Variants in PPP1R13B observed in about 807,000 individuals in gnomAD.
PPP1R13B encodes the protein protein phosphatase 1 regulatory subunit 13B, also known as apoptosis-stimulating of p53 protein 1.
In PPP1R13B, 44 loss-of-function variants were observed where a neutral mutation model predicts 119.8. That is an observed-to-expected ratio of 0.37 (90% confidence interval 0.29 to 0.47). PPP1R13B has a LOEUF of 0.47. PPP1R13B is among the 20% of genes least tolerant of loss of function. The pLI, the probability that PPP1R13B is intolerant of heterozygous loss-of-function variation, is 0.99. For missense variants in PPP1R13B, 1,227 were observed against 1,413.5 expected, an observed-to-expected ratio of 0.87 and a Z score of 2.12; for synonymous variants, 542 against 561.5, an observed-to-expected ratio of 0.97 and a Z score of 0.49.
At chr14:103,787,960 T>C (rs2085511710) in intron 2 of PPP1R13B, among the ~76,000 whole-genome samples, 1 of 151,862 alleles carries the variant, frequency 6.6e-6, no homozygotes, top group African/African-American at 2.4e-5. Flanking sequence ...TCCTTTTTTT[T>C]TAATTAGCCG....
intron 9 of PPP1R13B, 87 bp downstream of exon 9, chr14:103,746,286 G>A: frequency 3.0e-6 from 1 of 338,348 alleles, no homozygotes; most frequent in South Asian, 3.4e-5. Flanking sequence ...AGAGCCTCAG[G>A]AGCCTGCCCC....
chr14:103,736,076 T>C lies in PPP1R13B; in HGVS notation c.3158A>G (p.Asp1053Gly), dbSNP rs979141901. The change falls in exon 16 of 17, where the codon GAC becomes GGC. Residue 1053 changes from aspartate (D) to glycine (G), a missense_variant. Coordinates refer to ENST00000202556, the MANE Select transcript of PPP1R13B (RefSeq NM_015316.3). Reference sequence around the variant, plus strand: ...CCACCACCACTCAGTCTCGCTTTCGTCCTTGCGCCTCAGGATGGTGAGGGC... The same window carrying C: ...CCACCACCACTCAGTCTCGCTTTCGCCCTTGCGCCTCAGGATGGTGAGGGC... ...GDALTILRRK[D>G]ESETEWWWAR... 3.7e-6 allele frequency: 6 copies of C among 1,614,086 alleles called. No individual in the cohort carries two copies. The Admixed American group carries it at 5.0e-5, about 13-fold the overall frequency.
chr14:103,826,742 C>T (rs12436111), intron 1 of PPP1R13B, among the ~76,000 whole-genome samples: 11,905 of 149,362 alleles, frequency 0.08, 632 homozygotes, highest in Admixed American at 0.18. Context: ...GGTGCAGTGG[C>T]TCATGCCTGT....
At chr14:103,790,424 G>T (rs2085588392) in intron 2 of PPP1R13B, among the ~76,000 whole-genome samples, 1 of 152,062 alleles carries the variant, frequency 6.6e-6, no homozygotes, top group Admixed American at 6.6e-5. Context: ...TAGGAGGTGG[G>T]GTCTTTGAGA....
At chr14:103,796,199 C>T (rs565990896) in intron 2 of PPP1R13B, among the ~76,000 whole-genome samples, 1 of 152,232 alleles carries the variant, frequency 6.6e-6, no homozygotes, top group Admixed American at 6.5e-5. Context: ...GGGAGCACTG[C>T]TTGAGCCCAG....
intron 3 of PPP1R13B, among the ~76,000 whole-genome samples, chr14:103,781,947 C>T (rs57560950): frequency 0.056 from 8,466 of 152,146 alleles, 259 homozygotes; most frequent in Middle Eastern, 0.11. Context: ...CCACCGCGCC[C>T]GGCCAAAGGT....
intron 4 of PPP1R13B, chr14:103,762,797 C>T (rs908328660): frequency 8.8e-6 from 7 of 795,418 alleles, no homozygotes; most frequent in Admixed American, 8.1e-5. Context: ...GCCGCCCGCT[C>T]CAGCCATGCT....
intron 4 of PPP1R13B, among the ~76,000 whole-genome samples, chr14:103,765,986 T>TTTTATTATTATTA (rs141588292): frequency 5.6e-4 from 78 of 139,062 alleles, no homozygotes; most frequent in African/African-American, 2.0e-3. Flanking sequence ...AAATTTTTAT[T>TTTTATTATTATTA]TTATTATTAT....
At position 103,834,341 on chromosome 14, in the gene PPP1R13B, A is replaced by C. The variant is rs139767933; in HGVS notation, c.9+12958T>G. Reference sequence around the variant, plus strand: ...CAGTGAGCCAAGATCATGCCAGTGCACTCTAGCCTCGGTGACAGAGTGAGA... The same window carrying C: ...CAGTGAGCCAAGATCATGCCAGTGCCCTCTAGCCTCGGTGACAGAGTGAGA... On this transcript the variant is annotated intron_variant, in intron 1 of 16. Coordinates refer to ENST00000202556, the MANE Select transcript of PPP1R13B (RefSeq NM_015316.3). 9.7e-4 allele frequency among the ~76,000 whole-genome samples: 148 copies of C among 152,222 alleles called. 3 individuals are homozygous for C. The East Asian group carries it at 0.021, about 22-fold the overall frequency.
intron 1 of PPP1R13B, among the ~76,000 whole-genome samples, chr14:103,821,903 A>G (rs2086419422): frequency 6.6e-6 from 1 of 152,222 alleles, no homozygotes. Flanking sequence ...TTAAAAATAA[A>G]TAAGTCCAAG....
chr14:103,797,261 C>CT, intron 2 of PPP1R13B, 110 bp downstream of exon 2: 3 of 1,137,412 alleles, frequency 2.6e-6, no homozygotes, highest in Non-Finnish European at 3.7e-6. Context: ...TACTTAGTTA[C>CT]TTTTTTTCCC....
chr14:103,804,171 G>T, intron 1 of PPP1R13B: 1 of 444,654 alleles, frequency 2.2e-6, no homozygotes, highest in Non-Finnish European at 3.0e-6. Flanking sequence ...TCAGTGCCTG[G>T]ACACACAGTG....
rs368767122 is a variant in PPP1R13B at position 103,753,920 on chromosome 14, TC to T, written c.631+149del. 457 of 953,388 alleles carry T rather than the reference TC, an allele frequency of 4.8e-4. 2 individuals carry two copies. In the African/African-American group the frequency reaches 7.0e-3, roughly 15 times the overall value. The allele number at this position is 953,388 out of a possible 1,614,324, so 59.1% of individuals were successfully genotyped here. ...AAGATCACTTAACCTAACCCACCCA[TC>T]CTTTTAGATGCAAATAACAGAGCAA... On this transcript the variant is annotated intron_variant, in intron 6 of 16. Coordinates refer to ENST00000202556, the MANE Select transcript of PPP1R13B (RefSeq NM_015316.3).
At chr14:103,844,898 G>A (rs2086993278) in intron 1 of PPP1R13B, among the ~76,000 whole-genome samples, 1 of 152,158 alleles carries the variant, frequency 6.6e-6, no homozygotes, top group African/African-American at 2.4e-5. Flanking sequence ...GCTGTAAAAT[G>A]CAAACTGTCA....
At position 103,737,762 on chromosome 14, in the gene PPP1R13B, A is replaced by G. The variant is rs1283083337; in HGVS notation, c.2963T>C (p.Ile988Thr). Residue 988 changes from isoleucine (I) to threonine (T), a missense_variant, in exon 15 of 17, where the codon ATT (isoleucine) becomes ACT (threonine). By Grantham distance (89) the Ile-to-Thr change is moderately conservative (BLOSUM62 -1). Coordinates refer to ENST00000202556, the MANE Select transcript of PPP1R13B (RefSeq NM_015316.3). ...AAIFASTISD[I>T]ETAADKCEEM... ...CTCACACTTGTCTGCAGCAGTTTCA[A>G]TGTCGCTTATGGTTGAGGCAAAAAT... 3.7e-6 allele frequency: 6 copies of G among 1,614,090 alleles called. No homozygotes were observed. The highest frequency in any genetic ancestry group is 2.7e-5 in the African/African-American group (2 of 74,922).
At chr14:103,775,531 T>TCC (rs1325963935) in intron 4 of PPP1R13B, among the ~76,000 whole-genome samples, 1 of 152,174 alleles carries the variant, frequency 6.6e-6, no homozygotes, top group African/African-American at 2.4e-5. Flanking sequence ...TACCTTGGCC[T>TCC]CCCAAAGTGC....
chr14:103,836,063 T>A (rs1343549514), intron 1 of PPP1R13B, among the ~76,000 whole-genome samples: 2 of 150,574 alleles, frequency 1.3e-5, no homozygotes, highest in Admixed American at 6.6e-5. Flanking sequence ...TTTTTTTTTT[T>A]AAGACACAGT....
chr14:103,811,079 C>T (rs2086142348), intron 1 of PPP1R13B, among the ~76,000 whole-genome samples: 2 of 113,036 alleles, frequency 1.8e-5, no homozygotes, highest in African/African-American at 7.1e-5. Context: ...TAGAGGACAG[C>T]GTGAGACTCC....
At chr14:103,824,199 C>T (rs1217719295) in intron 1 of PPP1R13B, among the ~76,000 whole-genome samples, 1 of 150,766 alleles carries the variant, frequency 6.6e-6, no homozygotes, top group East Asian at 2.0e-4. Flanking sequence ...GTGCGTGCAA[C>T]CACGCCCAGC....
Sources: gnomAD v4.1 joint callset for allele counts (sites outside exome capture counted in the v4.1 genomes callset) on GRCh38, gnomAD v4.1.1 for gene constraint, MANE v1.5 for transcripts, NCBI Gene and HGNC (gene_info 2026-07-23, HGNC 2026-07-21) for gene names.